GRM5: variants seen among roughly 807,000 people sequenced by gnomAD.
GRM5 encodes glutamate metabotropic receptor 5.
A neutral mutation model predicts 83.1 loss-of-function variants in GRM5; 19 were observed. That is an observed-to-expected ratio of 0.23 (90% confidence interval 0.16 to 0.34). The LOEUF is 0.34. Among genes scored for constraint, GRM5 ranks in the 10% least tolerant of loss-of-function variants. The pLI is 1.00. For missense variants in GRM5, 1,160 were observed against 1,588.3 expected (o/e 0.73, Z 4.58); for synonymous variants, 675 against 633.6 (o/e 1.07, Z -0.98).
At chr11:88,692,861 G>T (rs1188910645) in intron 3 of GRM5, among the ~76,000 whole-genome samples, 2 of 152,118 alleles carry the variant, frequency 1.3e-5, no homozygotes, top group African/African-American at 2.4e-5. Context: ...CTGGAGGCCT[G>T]CACAGGGTGG....
intron 3 of GRM5, among the ~76,000 whole-genome samples, chr11:88,771,905 CCTCA>C (rs1200756346): frequency 6.6e-6 from 1 of 152,066 alleles, no homozygotes; most frequent in African/African-American, 2.4e-5. Context: ...GTTTGTTCTC[CCTCA>C]CTATGGTTTT....
intron 3 of GRM5, among the ~76,000 whole-genome samples, chr11:88,779,617 A>T (rs1942933993): frequency 6.6e-6 from 1 of 152,214 alleles, no homozygotes; most frequent in South Asian, 2.1e-4. Flanking sequence ...TAATATACTC[A>T]CACACACACC....
At chr11:88,760,991 A>C (rs1942502160) in intron 3 of GRM5, among the ~76,000 whole-genome samples, 1 of 152,002 alleles carries the variant, frequency 6.6e-6, no homozygotes, top group African/African-American at 2.4e-5. Context: ...GAAAAGTCTC[A>C]AAAAATGCAA....
chr11:88,960,599 G>C (rs1181331813), intron 2 of GRM5, among the ~76,000 whole-genome samples: 1 of 152,128 alleles, frequency 6.6e-6, no homozygotes, highest in East Asian at 1.9e-4. Flanking sequence ...TAGTAGTAGG[G>C]CAAGTGTGGA....
At chr11:88,923,314 A>G (rs1945725538) in intron 2 of GRM5, among the ~76,000 whole-genome samples, 1 of 152,188 alleles carries the variant, frequency 6.6e-6, no homozygotes, top group African/African-American at 2.4e-5. Context: ...GTTCATCAGT[A>G]GATGAATGGA....
chr11:88,831,640 C>A (rs1339033177), intron 3 of GRM5, among the ~76,000 whole-genome samples: 2 of 152,204 alleles, frequency 1.3e-5, no homozygotes, highest in Non-Finnish European at 2.9e-5. Flanking sequence ...TCCACCACCT[C>A]TCATGGTGCT....
chr11:88,527,228 ACTTC>A (rs1941901024), intron 8 of GRM5, among the ~76,000 whole-genome samples: 1 of 152,190 alleles, frequency 6.6e-6, no homozygotes, highest in African/African-American at 2.4e-5. Context: ...GTGGTCATTC[ACTTC>A]CTTACAAAGG....
At chr11:88,566,718 A>G (rs1942884553) in intron 8 of GRM5, among the ~76,000 whole-genome samples, 1 of 152,068 alleles carries the variant, frequency 6.6e-6, no homozygotes, top group African/African-American at 2.4e-5. Context: ...AATTTAACCC[A>G]CAGTATAACT....
intron 3 of GRM5, among the ~76,000 whole-genome samples, chr11:88,743,551 C>T (rs1184429904): frequency 1.3e-5 from 2 of 152,102 alleles, no homozygotes; most frequent in East Asian, 3.9e-4. Context: ...CAATGGTGAC[C>T]TCCTCATAGA....
chr11:88,727,394 T>A (rs1333095190), intron 3 of GRM5, among the ~76,000 whole-genome samples: 1 of 152,208 alleles, frequency 6.6e-6, no homozygotes. Flanking sequence ...AAGCAAGTTC[T>A]AAGAGACCAA....
intron 1 of GRM5, among the ~76,000 whole-genome samples, chr11:89,056,711 A>G (rs1278111483): frequency 2.0e-5 from 3 of 152,100 alleles, no homozygotes; most frequent in Admixed American, 6.6e-5. Flanking sequence ...AGCTTTTAAA[A>G]TGTTATGATC....
rs572587544 is a variant in GRM5, at chr11:88,816,006, G to A, written c.911+33900C>T. Among the ~76,000 whole-genome samples the A allele has an allele frequency of 3.1e-3, 437 of 142,756 alleles. 23 individuals are homozygous for A. The highest frequency in any genetic ancestry group is 0.012 in the African/African-American group (419 of 36,346). The allele number at this position is 142,756 out of a possible 152,430, so 93.7% of individuals were successfully genotyped here. A position where few individuals can be genotyped will look rare whatever the true frequency, so the allele number is the denominator to read the frequency against. The stretch of plus-strand genomic sequence containing the variant: ...AGGCGGGTGGATCATGAGGTCAGGA[G>A]ATCGAGACCATCCTGGCTAACAAGG... On this transcript the variant is annotated intron_variant, in intron 3 of 9. Coordinates refer to ENST00000305447, the MANE Select transcript of GRM5 (RefSeq NM_001143831.3).
intron 7 of GRM5, among the ~76,000 whole-genome samples, chr11:88,579,250 CTTCCATCCTGTA>C (rs2135190244): frequency 6.6e-6 from 1 of 152,264 alleles, no homozygotes; most frequent in East Asian, 1.9e-4. Context: ...TCTTACCTTT[CTTCCATCCTGTA>C]TTCACTTCTT....
chr11:88,838,785 T>C (rs1944139502), intron 3 of GRM5, among the ~76,000 whole-genome samples: 2 of 152,106 alleles, frequency 1.3e-5, no homozygotes, highest in African/African-American at 4.8e-5. Context: ...AAATAATAAA[T>C]GAAACCACTT....
At chr11:88,781,950 C>CT (rs1565228171) in intron 3 of GRM5, among the ~76,000 whole-genome samples, 2 of 152,072 alleles carry the variant, frequency 1.3e-5, no homozygotes, top group Admixed American at 1.3e-4. Flanking sequence ...CACTTGATTT[C>CT]CAAGCATTCC....
intron 8 of GRM5, among the ~76,000 whole-genome samples, chr11:88,551,180 C>T (rs961379789): frequency 6.6e-6 from 1 of 152,104 alleles, no homozygotes; most frequent in East Asian, 1.9e-4. Context: ...CTATGTGGTA[C>T]TGACAGTAGT....
At chr11:88,805,493 A>G (rs1943484355) in intron 3 of GRM5, among the ~76,000 whole-genome samples, 1 of 152,102 alleles carries the variant, frequency 6.6e-6, no homozygotes, top group South Asian at 2.1e-4. Flanking sequence ...CACGGCCCGT[A>G]TACTTATTAA....
chr11:88,997,333 T>TAGA (rs1940215100), intron 2 of GRM5, among the ~76,000 whole-genome samples: 1 of 119,948 alleles, frequency 8.3e-6, no homozygotes, highest in Non-Finnish European at 1.8e-5. Context: ...GTCTCAAAAT[T>TAGA]AAAAAAAAAA....
At chr11:88,848,607 C>T (rs1944337849) in intron 3 of GRM5, among the ~76,000 whole-genome samples, 1 of 152,160 alleles carries the variant, frequency 6.6e-6, no homozygotes. Flanking sequence ...TAAAGGTATG[C>T]AATGAAGAAG....
Sources: gnomAD v4.1 joint callset for allele counts (sites outside exome capture counted in the v4.1 genomes callset) on GRCh38, gnomAD v4.1.1 for gene constraint, MANE v1.5 for transcripts, NCBI Gene and HGNC (gene_info 2026-07-23, HGNC 2026-07-21) for gene names.